The following RUNX2 variants were observed in gnomAD, a reference collection of about 807,000 sequenced individuals.
RUNX2 encodes runt-related transcription factor 2.
A neutral mutation model predicts 51.7 loss-of-function variants in RUNX2; 10 were observed. That is an observed-to-expected ratio of 0.19 (90% CI 0.12 to 0.33). The LOEUF (loss-of-function observed/expected upper bound fraction) is 0.33. RUNX2 is among the 10% of genes least tolerant of loss of function. RUNX2 has a pLI of 1.00. For missense variants in RUNX2, 562 were observed against 691.3 expected, an observed-to-expected ratio of 0.81 and a Z score of 2.10; for synonymous variants, 276 against 273.6, an observed-to-expected ratio of 1.01 and a Z score of -0.09.
At chr6:45,498,342 C>T (rs934800838) in intron 6 of RUNX2, among the ~76,000 whole-genome samples, 8 of 152,190 alleles carry the variant, frequency 5.3e-5, no homozygotes, top group African/African-American at 1.7e-4. Flanking sequence ...TCAGCTATTG[C>T]AGTTGACTGT....
At chr6:45,512,091 A>G (rs1329212001) in intron 6 of RUNX2, among the ~76,000 whole-genome samples, 155 bp from the exon 7 acceptor site, 1 of 152,158 alleles carries the variant, frequency 6.6e-6, no homozygotes, top group Non-Finnish European at 1.5e-5. Flanking sequence ...TGGGGTTATA[A>G]GAGATAAATA....
At chr6:45,463,365 G>A (rs942142876) in intron 5 of RUNX2, among the ~76,000 whole-genome samples, 1 of 152,192 alleles carries the variant, frequency 6.6e-6, no homozygotes, top group African/African-American at 2.4e-5. Flanking sequence ...AAATATTAAA[G>A]TAATGTTATA....
chr6:45,499,404 C>T (rs1309044765), intron 6 of RUNX2, among the ~76,000 whole-genome samples: 6 of 152,202 alleles, frequency 3.9e-5, no homozygotes, highest in Non-Finnish European at 5.9e-5. Context: ...TGATTCTGCT[C>T]TGGTGGCCAC....
intron 7 of RUNX2, among the ~76,000 whole-genome samples, chr6:45,519,746 C>A (rs187962627): frequency 6.6e-6 from 1 of 150,510 alleles, no homozygotes; most frequent in African/African-American, 2.5e-5. Flanking sequence ...CATTCTACCC[C>A]GAATTGCATT....
At chr6:45,461,897 T>A (rs1053102565) in intron 5 of RUNX2, among the ~76,000 whole-genome samples, 2 of 152,306 alleles carry the variant, frequency 1.3e-5, no homozygotes, top group Non-Finnish European at 2.9e-5. Flanking sequence ...TTTTTAAATG[T>A]GATTTGACAA....
intron 2 of RUNX2, among the ~76,000 whole-genome samples, chr6:45,340,280 AAAAAT>A (rs1178906368): frequency 6.6e-6 from 1 of 152,174 alleles, no homozygotes; most frequent in East Asian, 1.9e-4. Flanking sequence ...GAGATTAAGA[AAAAAT>A]AAAAGTATAT....
chr6:45,430,387 T>G (rs1346078824), intron 3 of RUNX2, among the ~76,000 whole-genome samples: 2 of 152,104 alleles, frequency 1.3e-5, no homozygotes, highest in Non-Finnish European at 2.9e-5. Context: ...GATTTTGAAC[T>G]GAATAACACA....
intron 2 of RUNX2, among the ~76,000 whole-genome samples, chr6:45,383,707 A>G (rs1797290088): frequency 1.3e-5 from 2 of 152,210 alleles, no homozygotes; most frequent in South Asian, 2.1e-4. Flanking sequence ...CAGTTCTCCA[A>G]AGTATTTTCA....
At chr6:45,512,481 T>C in intron 7 of RUNX2, 74 bp downstream of exon 7, 1 of 1,499,148 alleles carries the variant, frequency 6.7e-7, no homozygotes, top group Non-Finnish European at 9.2e-7. Context: ...TGAGCCTGTC[T>C]CATCCATGCT....
At chr6:45,463,173 G>C (rs1161856534) in intron 5 of RUNX2, among the ~76,000 whole-genome samples, 2 of 152,066 alleles carry the variant, frequency 1.3e-5, no homozygotes, top group Admixed American at 6.6e-5. Context: ...TTTTCTTTTT[G>C]GTCTTGTAAG....
chr6:45,433,105 A>G (rs941267651), intron 4 of RUNX2, among the ~76,000 whole-genome samples: 2 of 152,202 alleles, frequency 1.3e-5, no homozygotes, highest in Admixed American at 1.3e-4. Context: ...GTGTTAGTTT[A>G]CTTTCTAGGA....
intron 3 of RUNX2, among the ~76,000 whole-genome samples, chr6:45,431,111 A>G (rs919235083): frequency 6.6e-6 from 1 of 152,228 alleles, no homozygotes; most frequent in African/African-American, 2.4e-5. Flanking sequence ...TTTGCTTCAG[A>G]TTAACTGTTG....
At chr6:45,337,273 A>G (rs533179434) in intron 2 of RUNX2, among the ~76,000 whole-genome samples, 2 of 151,840 alleles carry the variant, frequency 1.3e-5, no homozygotes, top group East Asian at 1.9e-4. Context: ...TTCTTTAACC[A>G]TAAGACTGTC....
At chr6:45,425,068 A>G (rs1798348021) in intron 3 of RUNX2, among the ~76,000 whole-genome samples, 1 of 152,046 alleles carries the variant, frequency 6.6e-6, no homozygotes, top group Non-Finnish European at 1.5e-5. Flanking sequence ...AGCCCCCAAA[A>G]ACCCCAAACC....
intron 2 of RUNX2, among the ~76,000 whole-genome samples, chr6:45,406,859 T>A (rs947744183): frequency 1.3e-5 from 2 of 152,156 alleles, no homozygotes; most frequent in Non-Finnish European, 2.9e-5. Context: ...CTAGGAAATA[T>A]ATGTGCTTTA....
chr6:45,536,936 A>G lies in RUNX2; in HGVS notation c.1022-8281A>G, dbSNP rs184502103. On this transcript the variant is annotated intron_variant, in intron 7 of 8. Transcript: ENST00000647337. ...TGTGTGGGGTTAATCACGAATTTCA[A>G]GATTTTGATTCTCAATTTATGTATT... Among the ~76,000 whole-genome samples, 129 of 152,280 alleles carry G rather than the reference A, an allele frequency of 8.5e-4. 1 individual carries two copies. The highest frequency in any genetic ancestry group is 3.8e-4 in the Non-Finnish European group (26 of 68,032).
At chr6:45,440,043 G>A (rs142304947) in intron 5 of RUNX2, among the ~76,000 whole-genome samples, 320 of 152,298 alleles carry the variant, frequency 2.1e-3, no homozygotes, top group African/African-American at 6.7e-3. Context: ...CAGGGTGGGC[G>A]GTGGAAGCAG....
At chr6:45,530,555 C>T (rs1291768715) in intron 7 of RUNX2, among the ~76,000 whole-genome samples, 1 of 152,202 alleles carries the variant, frequency 6.6e-6, no homozygotes, top group Non-Finnish European at 1.5e-5. Context: ...TGACAGTGGA[C>T]TCTGGCAGCT....
At chr6:45,373,357 G>GT (rs1280899627) in intron 2 of RUNX2, among the ~76,000 whole-genome samples, 1 of 152,142 alleles carries the variant, frequency 6.6e-6, no homozygotes, top group African/African-American at 2.4e-5. Flanking sequence ...ATTCTAGAAA[G>GT]TAAGAGCCTC....
Sources: gnomAD v4.1 joint callset for allele counts (sites outside exome capture counted in the v4.1 genomes callset) on GRCh38, gnomAD v4.1.1 for gene constraint, MANE v1.5 for transcripts, NCBI Gene and HGNC (gene_info 2026-07-23, HGNC 2026-07-21) for gene names.